Variants in THSD7B observed in about 807,000 individuals in gnomAD.
THSD7B encodes the protein thrombospondin type 1 domain containing 7B, also known as thrombospondin type-1 domain-containing protein 7B.
In THSD7B, 138 loss-of-function variants were observed where a neutral mutation model predicts 213.6. That is an observed-to-expected ratio of 0.65 (90% CI 0.56 to 0.74). The LOEUF (loss-of-function observed/expected upper bound fraction) is 0.74. THSD7B is among the 30% of genes least tolerant of loss of function. The pLI, the probability that THSD7B is intolerant of heterozygous loss-of-function variation, is 0.00. For missense variants in THSD7B, 1,931 were observed against 1,991.5 expected (o/e 0.97, Z 0.58); for synonymous variants, 742 against 687.0 (o/e 1.08, Z -1.25).
At chr2:137,632,571 A>G (rs939061090) in intron 20 of THSD7B, among the ~76,000 whole-genome samples, 29 of 152,280 alleles carry the variant, frequency 1.9e-4, no homozygotes, top group Admixed American at 1.6e-3. Flanking sequence ...TTAGTTTTTA[A>G]TGGAATTGAA....
chr2:137,635,768 G>A (rs1463591225), intron 20 of THSD7B, among the ~76,000 whole-genome samples: 1 of 151,162 alleles, frequency 6.6e-6, no homozygotes, highest in Non-Finnish European at 1.5e-5. Context: ...GCAGTGGCAC[G>A]ATCTTGGCTC....
chr2:137,635,721 CT>C lies in THSD7B; in HGVS notation c.3800-6753del, dbSNP rs199699054. Among the ~76,000 whole-genome samples the C allele has an allele frequency of 4.1e-3, 574 of 141,024 alleles. 1 individual carries two copies. The highest frequency in any genetic ancestry group is 7.3e-3 in the Middle Eastern group (2 of 274). The allele number at this position is 141,024 out of a possible 152,430, so 92.5% of individuals were successfully genotyped here. A position where few individuals can be genotyped will look rare whatever the true frequency, so the allele number is the denominator to read the frequency against. On this transcript the variant is annotated intron_variant, in intron 20 of 27. Transcript: ENST00000409968. The stretch of plus-strand genomic sequence containing the variant: ...CATATTTAAAATATTCCGCAAGTTT[CT>C]TTTTTTTTTTTTTAAACGGAGTCAC...
chr2:137,247,618 C>A (rs1381546368), intron 10 of THSD7B, among the ~76,000 whole-genome samples: 1 of 152,142 alleles, frequency 6.6e-6, no homozygotes. Context: ...TAACTTTCAT[C>A]TCTAAGGAGT....
chr2:137,633,937 A>G (rs1682787402), intron 20 of THSD7B, among the ~76,000 whole-genome samples: 1 of 152,136 alleles, frequency 6.6e-6, no homozygotes, highest in Admixed American at 6.5e-5. Context: ...GACTAAAATT[A>G]ACTTAGATTG....
intron 14 of THSD7B, among the ~76,000 whole-genome samples, chr2:137,440,446 C>T (rs1006090215): frequency 1.3e-5 from 2 of 150,812 alleles, no homozygotes; most frequent in East Asian, 1.9e-4. Context: ...CTCCAATAAC[C>T]ATAGCCTCAC....
chr2:137,400,050 A>G (rs1264678405), intron 12 of THSD7B, among the ~76,000 whole-genome samples: 1 of 152,088 alleles, frequency 6.6e-6, no homozygotes, highest in Non-Finnish European at 1.5e-5. Context: ...GTTTTTTTAA[A>G]TAAATATATC....
chr2:137,189,448 A>C (rs551991188), intron 7 of THSD7B, among the ~76,000 whole-genome samples: 1 of 152,050 alleles, frequency 6.6e-6, no homozygotes, highest in Admixed American at 6.6e-5. Flanking sequence ...GCTCTTTCTC[A>C]GGGCCTCTAG....
At chr2:137,624,878 G>A (rs899215302) in intron 20 of THSD7B, among the ~76,000 whole-genome samples, 28 of 152,328 alleles carry the variant, frequency 1.8e-4, no homozygotes, top group African/African-American at 6.3e-4. Flanking sequence ...CTGTTGGTGG[G>A]ACTGTAAACG....
intron 10 of THSD7B, among the ~76,000 whole-genome samples, chr2:137,261,143 C>T (rs1307040412): frequency 6.6e-6 from 1 of 151,900 alleles, no homozygotes; most frequent in African/African-American, 2.4e-5. Context: ...ACAATAAGAC[C>T]TAGAGAGGCT....
chr2:137,393,733 C>T lies in THSD7B; in HGVS notation c.2501-11880C>T, dbSNP rs987597394. On this transcript the variant is annotated intron_variant, in intron 12 of 27. Transcript: ENST00000409968. Reference sequence around the variant, plus strand: ...TAGCTCTAGATCCCTGAGGAATCACCACACTGACGTCCACAATGGTTGAAC... The same window carrying T: ...TAGCTCTAGATCCCTGAGGAATCACTACACTGACGTCCACAATGGTTGAAC... 4.7e-4 allele frequency among the ~76,000 whole-genome samples: 66 copies of T among 140,968 alleles called. 12 individuals carry two copies. Among genetic ancestry groups the T allele is most frequent in the Middle Eastern group, 3.6e-3 (1 of 276 alleles). The allele number at this position is 140,968 out of a possible 152,430, so 92.5% of individuals were successfully genotyped here. A position where few individuals can be genotyped will look rare whatever the true frequency, so the allele number is the denominator to read the frequency against.
At chr2:136,877,837 A>C (rs1683548784) in intron 1 of THSD7B, among the ~76,000 whole-genome samples, 1 of 152,098 alleles carries the variant, frequency 6.6e-6, no homozygotes, top group South Asian at 2.1e-4. Flanking sequence ...TGGGGGGAAA[A>C]AAAAGAAGGC....
chr2:137,380,577 G>C (rs1007527646), intron 12 of THSD7B, among the ~76,000 whole-genome samples: 2 of 152,336 alleles, frequency 1.3e-5, no homozygotes, highest in African/African-American at 2.4e-5. Flanking sequence ...TCCCCTGCTG[G>C]CTTTGAAGAG....
At chr2:137,076,475 A>AG (rs779085222) in intron 3 of THSD7B, among the ~76,000 whole-genome samples, 4 of 152,220 alleles carry the variant, frequency 2.6e-5, no homozygotes, top group Non-Finnish European at 5.9e-5. Flanking sequence ...CCAATTTTCC[A>AG]GGTGCCATCT....
At chr2:137,461,620 A>G (rs1297146302) in intron 15 of THSD7B, among the ~76,000 whole-genome samples, 1 of 152,102 alleles carries the variant, frequency 6.6e-6, no homozygotes, top group Non-Finnish European at 1.5e-5. Flanking sequence ...TTCTTCGTAC[A>G]GAAACCTTAA....
chr2:136,828,277 A>G (rs1682692449), intron 1 of THSD7B, among the ~76,000 whole-genome samples: 1 of 152,110 alleles, frequency 6.6e-6, no homozygotes, highest in Admixed American at 6.5e-5. Context: ...TAATGGCACT[A>G]TCATTCCTTC....
intron 7 of THSD7B, among the ~76,000 whole-genome samples, chr2:137,190,053 G>A (rs1284328574): frequency 2.0e-5 from 3 of 152,118 alleles, no homozygotes; most frequent in African/African-American, 7.2e-5. Flanking sequence ...AGCCAGTCCA[G>A]GTTGCCAGGA....
intron 15 of THSD7B, among the ~76,000 whole-genome samples, chr2:137,486,759 C>A (rs1573654967): frequency 1.3e-5 from 2 of 152,308 alleles, no homozygotes; most frequent in East Asian, 3.9e-4. Context: ...CTCTCCTCAG[C>A]AAATGTAAAA....
At chr2:137,631,958 A>G (rs1305875514) in intron 20 of THSD7B, among the ~76,000 whole-genome samples, 1 of 152,134 alleles carries the variant, frequency 6.6e-6, no homozygotes, top group Non-Finnish European at 1.5e-5. Flanking sequence ...TGATGCTAGG[A>G]GTATGTTAGT....
intron 2 of THSD7B, among the ~76,000 whole-genome samples, chr2:137,029,659 A>G (rs1273785010): frequency 1.3e-5 from 2 of 152,178 alleles, no homozygotes; most frequent in Non-Finnish European, 2.9e-5. Flanking sequence ...ACCTCTCTAG[A>G]TCCAAGGGGT....
Sources: gnomAD v4.1 joint callset for allele counts (sites outside exome capture counted in the v4.1 genomes callset) on GRCh38, gnomAD v4.1.1 for gene constraint, MANE v1.5 for transcripts, NCBI Gene and HGNC (gene_info 2026-07-23, HGNC 2026-07-21) for gene names.